Variants in NBAS observed in about 807,000 individuals in gnomAD.
The protein encoded by NBAS is NAG/BC035112 fusion.
NBAS carries 219 observed loss-of-function variants against 302.5 expected under a neutral mutation model. That is an observed-to-expected ratio of 0.72 (90% CI 0.65 to 0.81). NBAS has a LOEUF of 0.81. Ranked by LOEUF, NBAS falls within the 30% of genes least tolerant of loss-of-function variation. The probability of loss-of-function intolerance (pLI) is 0.00; values close to 1 mark genes in which losing one functional copy is unlikely to be tolerated. For missense variants in NBAS, 2,932 were observed against 2,841.6 expected, an observed-to-expected ratio of 1.03 and a Z score of -0.72; for synonymous variants, 1,118 against 1,021.6, an observed-to-expected ratio of 1.09 and a Z score of -1.80.
the NBAS span, among the ~76,000 whole-genome samples, chr2:15,011,944 T>C: frequency 3.9e-5 from 6 of 152,168 alleles, no homozygotes; most frequent in Admixed American, 3.9e-4. Flanking sequence ...ATCTACTCCA[T>C]ACAGTTGGAA....
the NBAS span, among the ~76,000 whole-genome samples, chr2:14,893,652 A>G: frequency 2.0e-5 from 3 of 152,176 alleles, no homozygotes; most frequent in Non-Finnish European, 4.4e-5. Flanking sequence ...CTCTTGCTGA[A>G]TAACTTTCAG....
Position 15,399,506 on chromosome 2 carries a change from GAGACACAC to G in NBAS, c.3071+2654_3071+2661del, listed in dbSNP as rs140410896. Among the ~76,000 whole-genome samples, 1,510 of 152,244 alleles carry G rather than the reference GAGACACAC, an allele frequency of 9.9e-3. 28 individuals carry two copies. The highest frequency in any genetic ancestry group is 0.035 in the African/African-American group (1,448 of 41,524). On this transcript the variant is annotated intron_variant, in intron 26 of 51. Coordinates refer to ENST00000281513, the MANE Select transcript of NBAS (RefSeq NM_015909.4). ...GCCTATGGAAGGCCTACAGTTCTCA[GAGACACAC>G]TTGCTACACTCTGCTGCTCTCTACT... is the stretch of plus-strand genomic sequence containing the variant.
At chr2:15,084,946 T>TA in the NBAS span, among the ~76,000 whole-genome samples, 1 of 152,262 alleles carries the variant, frequency 6.6e-6, no homozygotes, top group Admixed American at 6.5e-5. Flanking sequence ...GTAATGGCAG[T>TA]AGCGGGCCAT....
At chr2:15,165,566 G>A (rs1202371386), downstream of NBAS, among the ~76,000 whole-genome samples, 1 of 152,220 alleles carries the variant, frequency 6.6e-6, no homozygotes, top group Non-Finnish European at 1.5e-5. Context: ...GCGGAAATGA[G>A]GTGAAGCCGA....
At chr2:15,076,830 A>T in the NBAS span, among the ~76,000 whole-genome samples, 3 of 152,328 alleles carry the variant, frequency 2.0e-5, no homozygotes, top group East Asian at 5.8e-4. Context: ...TCATGGAGGA[A>T]TGGAGCAATA....
chr2:14,978,638 A>G, the NBAS span, among the ~76,000 whole-genome samples: 1 of 152,226 alleles, frequency 6.6e-6, no homozygotes, highest in African/African-American at 2.4e-5. Context: ...GCTGCTAATC[A>G]GAAAAATCCT....
intron 48 of NBAS, among the ~76,000 whole-genome samples, chr2:15,214,696 A>G (rs1331263639): frequency 6.6e-6 from 1 of 152,200 alleles, no homozygotes; most frequent in African/African-American, 2.4e-5. Flanking sequence ...ACTTGTAAGG[A>G]TCTAAATGTA....
intron 12 of NBAS, among the ~76,000 whole-genome samples, chr2:15,482,329 C>T (rs1680462841): frequency 6.6e-6 from 1 of 152,030 alleles, no homozygotes; most frequent in Non-Finnish European, 1.5e-5. Flanking sequence ...GTTGCCCAGC[C>T]TGGTCCCGAA....
chr2:15,112,527 T>C, the NBAS span, among the ~76,000 whole-genome samples: 1 of 152,132 alleles, frequency 6.6e-6, no homozygotes, highest in Non-Finnish European at 1.5e-5. Flanking sequence ...TGAAATTAAA[T>C]ATACACATAT....
chr2:15,017,269 T>C, the NBAS span, among the ~76,000 whole-genome samples: 2 of 151,990 alleles, frequency 1.3e-5, no homozygotes, highest in African/African-American at 4.8e-5. Flanking sequence ...AATGATTTTA[T>C]GAATAAAATC....
the NBAS span, among the ~76,000 whole-genome samples, chr2:14,989,819 T>C: frequency 6.6e-6 from 1 of 152,190 alleles, no homozygotes; most frequent in South Asian, 2.1e-4. Flanking sequence ...ATGCGTATAC[T>C]TACTTAGAAC....
Position 15,554,120 on chromosome 2 carries a change from G to A in NBAS, c.228C>T (p.Leu76=), listed in dbSNP as rs778772001. ...YIWYSPAPFL[L]PDGLVRLVNK... The stretch of plus-strand genomic sequence containing the variant: ...TAACCAAGCGAACCAGTCCATCAGG[G>A]AGCAAAAAAGGTGCCGGGCTGAAAT... Residue 76 remains leucine, a synonymous_variant, in exon 4 of 52, where the codon CTC becomes CTT. Coordinates refer to ENST00000281513, the MANE Select transcript of NBAS (RefSeq NM_015909.4). The A allele has an allele frequency of 7.4e-6, 12 of 1,613,642 alleles. No homozygotes were observed. In the South Asian group the frequency reaches 9.9e-5, roughly 13 times the overall value.
intron 48 of NBAS, among the ~76,000 whole-genome samples, chr2:15,198,837 G>A (rs1342972647): frequency 2.0e-5 from 3 of 152,108 alleles, no homozygotes; most frequent in Admixed American, 6.5e-5. Context: ...TTAAGAGTTA[G>A]AAAAATTGGC....
At chr2:15,114,282 G>A in the NBAS span, among the ~76,000 whole-genome samples, 8 of 152,132 alleles carry the variant, frequency 5.3e-5, no homozygotes, top group Non-Finnish European at 8.8e-5. Flanking sequence ...AATGTTGGCA[G>A]GATTGGTTTC....
At chr2:14,786,807 G>T in the NBAS span, among the ~76,000 whole-genome samples, 2 of 152,118 alleles carry the variant, frequency 1.3e-5, no homozygotes, top group African/African-American at 2.4e-5. Context: ...TGTTGATTTG[G>T]GGAGGAGAGT....
chr2:15,231,517 C>T (rs1426378399), intron 47 of NBAS, among the ~76,000 whole-genome samples: 1 of 152,120 alleles, frequency 6.6e-6, no homozygotes, highest in Non-Finnish European at 1.5e-5. Context: ...CTTTTAGGTC[C>T]TCCTCTGAAA....
chr2:15,063,353 T>C, the NBAS span, among the ~76,000 whole-genome samples: 1 of 152,158 alleles, frequency 6.6e-6, no homozygotes, highest in Non-Finnish European at 1.5e-5. Context: ...CCTTAAGCTC[T>C]GTAGCTCACG....
intron 30 of NBAS, among the ~76,000 whole-genome samples, chr2:15,375,030 A>G (rs1252951617): frequency 6.6e-6 from 1 of 152,212 alleles, no homozygotes; most frequent in African/African-American, 2.4e-5. Flanking sequence ...TGCCGTTTTT[A>G]CTGTTGAATG....
At chr2:15,290,346 T>C (rs376237306) in intron 41 of NBAS, among the ~76,000 whole-genome samples, 2 of 152,238 alleles carry the variant, frequency 1.3e-5, no homozygotes, top group East Asian at 3.8e-4. Flanking sequence ...CACTGCTGTA[T>C]ATTTTTCTAA....
Sources: allele counts gnomAD v4.1 joint callset (sites outside exome capture counted in the v4.1 genomes callset), GRCh38; gene constraint gnomAD v4.1.1; transcripts MANE v1.5; gene names NCBI Gene and HGNC (gene_info 2026-07-23, HGNC 2026-07-21).